Variants in PHF23 observed in about 807,000 individuals in gnomAD.
PHF23 encodes the protein PDH-containing protein JUNE-1.
Under a neutral mutation model 36.0 loss-of-function variants are expected in PHF23, and 3 were observed. The observed-to-expected ratio is 0.08, with a 90% CI of 0.04 to 0.22. The LOEUF (loss-of-function observed/expected upper bound fraction) is 0.22, where lower values mean the gene tolerates loss of function less well. Ranked by LOEUF, PHF23 falls within the 10% of genes least tolerant of loss-of-function variation. The pLI, the probability that PHF23 is intolerant of heterozygous loss-of-function variation, is 1.00. For missense variants in PHF23, 475 were observed against 513.6 expected, an observed-to-expected ratio of 0.92 and a Z score of 0.73; for synonymous variants, 242 against 192.5, an observed-to-expected ratio of 1.26 and a Z score of -2.13.
chr17:7,237,380 C>T lies in PHF23; in HGVS notation c.159+5G>A, dbSNP rs779197432. ...GCCTCAAGTCAGTAATTCTCTTGCC[C>T]CTACCTCTTTGCTAGGGGGAATGTA... On this transcript the variant is annotated splice_donor_5th_base_variant and intron_variant, in intron 3 of 4. Coordinates refer to ENST00000320316, the MANE Select transcript of PHF23 (RefSeq NM_024297.3). 4 of 1,610,210 alleles carry T rather than the reference C, an allele frequency of 2.5e-6. No homozygotes were observed. The highest frequency in any genetic ancestry group is 3.4e-6 in the Non-Finnish European group (4 of 1,176,658).
chr17:7,237,695 G>A (rs201146738), intron 1 of PHF23, 35 bp from the exon 2 acceptor site: 5 of 1,611,548 alleles, frequency 3.1e-6, no homozygotes, highest in East Asian at 2.2e-5. Flanking sequence ...CAAGACACTA[G>A]GAACAATCTG....
In PHF23 at chr17:7,236,373, T is replaced by C; in HGVS notation, c.554A>G (p.Asn185Ser). The C allele has an allele frequency of 1.5e-5, 24 of 1,614,094 alleles. No individual in the cohort carries two copies. Among genetic ancestry groups the C allele is most frequent in the Non-Finnish European group, 1.9e-5 (23 of 1,180,014 alleles). Residue 185 changes from asparagine (N) to serine (S), a missense_variant, in exon 4 of 5, where the codon AAC becomes AGC. Asn to Ser is a conservative substitution (Grantham distance 46). Around this residue, in one of 5 missense-constraint regions of PHF23, gnomAD observed 350 missense variants for 319.8 expected, o/e 1.09. Transcript: ENST00000320316. The surrounding 1 kb of genome is among the most constrained non-coding windows in gnomAD (Gnocchi z 5.1). ...SHPPRKKDRK[N>S]RKLGPGAGAG... ...CCCAGCTCCTGGCCCCAACTTTCGG[T>C]TCTTTCGGTCCTTCTTTCGAGGAGG...
At chr17:7,238,840 C>T (rs1357705079) in intron 1 of PHF23, 2 of 1,534,380 alleles carry the variant, frequency 1.3e-6, no homozygotes, top group Admixed American at 2.0e-5. Flanking sequence ...GCTCCGGTAC[C>T]ACCGCCACAA....
At position 7,235,146 on chromosome 17, in the gene PHF23, C is replaced by T. The variant is rs2071629499; in HGVS notation, c.*480G>A. On this transcript the variant is annotated 3_prime_UTR_variant, in exon 5 of 5. Coordinates refer to ENST00000320316, the MANE Select transcript of PHF23 (RefSeq NM_024297.3). Reference sequence around the variant, plus strand: ...TGAGAATCGTCACCTTTCTGCTTTCCTTCCTCACTTGGCCAGGCTCTAGTA... The same window carrying T: ...TGAGAATCGTCACCTTTCTGCTTTCTTTCCTCACTTGGCCAGGCTCTAGTA... 1 of 178,974 alleles carries T rather than the reference C, an allele frequency of 5.6e-6. No individual in the cohort carries two copies. Among genetic ancestry groups the T allele is most frequent in the African/African-American group, 2.4e-5 (1 of 42,012 alleles). The allele number at this position is 178,974 out of a possible 1,614,324, so 11.1% of individuals were successfully genotyped here.
At position 7,235,485 on chromosome 17, in the gene PHF23, C is replaced by T. The variant is rs2071638183; in HGVS notation, c.*141G>A. 1 of 840,200 alleles carries T rather than the reference C, an allele frequency of 1.2e-6. No individual in the cohort carries two copies. The highest frequency in any genetic ancestry group is 1.7e-5 in the African/African-American group (1 of 58,860). The allele number at this position is 840,200 out of a possible 1,614,324, so 52.0% of individuals were successfully genotyped here. A position where few individuals can be genotyped will look rare whatever the true frequency, so the allele number is the denominator to read the frequency against. On this transcript the variant is annotated 3_prime_UTR_variant, in exon 5 of 5. Coordinates refer to ENST00000320316, the MANE Select transcript of PHF23 (RefSeq NM_024297.3). ...GGATAGGGTGGGAAAGTGAGACACT[C>T]ATTTTCAAACAAGTCTCCCTTGAGA...
chr17:7,237,252 G>A (rs1446120700), intron 3 of PHF23, 133 bp downstream of exon 3: 9 of 828,410 alleles, frequency 1.1e-5, no homozygotes, highest in African/African-American at 3.4e-5. Context: ...AGCCCTAAGA[G>A]TCTCCAACTT....
chr17:7,239,110 C>G (rs1018431832), intron 1 of PHF23, 136 bp downstream of exon 1: 3 of 1,046,166 alleles, frequency 2.9e-6, no homozygotes, highest in South Asian at 3.2e-5. Flanking sequence ...TCGTCGCTCT[C>G]CCACCTCCAG....
At position 7,235,277 on chromosome 17, in the gene PHF23, G is replaced by A. The variant is rs2071633773; in HGVS notation, c.*349C>T. The stretch of plus-strand genomic sequence containing the variant: ...GTGAAATAGAAGAAAAGATGAGGGA[G>A]GGGAGTGCTAATATTTACACTAGAG... On this transcript the variant is annotated 3_prime_UTR_variant, in exon 5 of 5. Transcript: ENST00000320316. 3.4e-6 allele frequency: 1 copy of A among 297,962 alleles called. No homozygotes were observed. The highest frequency in any genetic ancestry group is 6.5e-6 in the Non-Finnish European group (1 of 154,496). The allele number at this position is 297,962 out of a possible 1,614,324, so 18.5% of individuals were successfully genotyped here.
chr17:7,237,570 G>C (rs1469798651), intron 2 of PHF23, 59 bp downstream of exon 2: 17 of 1,608,046 alleles, frequency 1.1e-5, no homozygotes, highest in African/African-American at 6.7e-5. Context: ...TCTAGAAAAG[G>C]GGGGCGGGGG....
chr17:7,237,599 A>C, intron 2 of PHF23, 30 bp downstream of exon 2: 1 of 1,613,820 alleles, frequency 6.2e-7, no homozygotes, highest in Non-Finnish European at 8.5e-7. Context: ...AGGCAGGGCT[A>C]CTAGGCTGCA....
In PHF23 at chr17:7,235,512, T is replaced by C. The variant is rs2071638474; in HGVS notation, c.*114A>G. ...TTTTCAAACAAGTCTCCCTTGAGAA[T>C]TCCTGCCTTGAAGTGCAGACAGTAT... is the stretch of plus-strand genomic sequence containing the variant. On this transcript the variant is annotated 3_prime_UTR_variant, in exon 5 of 5. Transcript: ENST00000320316. 6 of 1,066,204 alleles carry C rather than the reference T, an allele frequency of 5.6e-6. No individual in the cohort carries two copies. The highest frequency in any genetic ancestry group is 2.4e-5 in the East Asian group (1 of 42,156). The allele number at this position is 1,066,204 out of a possible 1,614,324, so 66.0% of individuals were successfully genotyped here. A position where few individuals can be genotyped will look rare whatever the true frequency, so the allele number is the denominator to read the frequency against.
Position 7,235,965 on chromosome 17 carries a change from A to G in PHF23, c.962T>C (p.Met321Thr), listed in dbSNP as rs770738787. 4.3e-6 allele frequency: 7 copies of G among 1,612,772 alleles called. No homozygotes were observed. Among genetic ancestry groups the G allele is most frequent in the Admixed American group, 3.3e-5 (2 of 59,964 alleles). ...DGDASSSEGE[M>T]RVMDEDIMVE... is the part of the protein sequence containing the mutation. Reference sequence around the variant, plus strand: ...CATGATGTCCTCGTCCATGACCCGCATCTCGCCTTCACTGGAGCTGGCATC... The same window carrying G: ...CATGATGTCCTCGTCCATGACCCGCGTCTCGCCTTCACTGGAGCTGGCATC... Residue 321 changes from methionine to threonine, a missense_variant, in exon 4 of 5, where the codon ATG becomes ACG. Physicochemically the swap from Met to Thr is moderately conservative, Grantham distance 81. Around this residue, in one of 5 missense-constraint regions of PHF23, gnomAD observed 40 missense variants for 111.0 expected, o/e 0.36. Coordinates refer to ENST00000320316, the MANE Select transcript of PHF23 (RefSeq NM_024297.3).
intron 1 of PHF23, 92 bp from the exon 2 acceptor site, chr17:7,237,752 G>A: frequency 1.4e-6 from 2 of 1,435,460 alleles, no homozygotes; most frequent in Non-Finnish European, 2.0e-6. Flanking sequence ...TGAACCCCCT[G>A]CTCTCCCAGG....
In PHF23 at chr17:7,238,614, C is replaced by G. The variant is rs1431714124; in HGVS notation, c.34+632G>C. Reference sequence around the variant, plus strand: ...ACCCTCGCGGACCAACCCTACCCCCCCGCCCGACAAGTCGCCGGTCTTAAC... The same window carrying G: ...ACCCTCGCGGACCAACCCTACCCCCGCGCCCGACAAGTCGCCGGTCTTAAC... On this transcript the variant is annotated intron_variant, in intron 1 of 4. Transcript: ENST00000320316. 6 of 936,956 alleles carry G rather than the reference C, an allele frequency of 6.4e-6. No homozygotes were observed. The South Asian group carries it at 2.0e-4, about 32-fold the overall frequency. The allele number at this position is 936,956 out of a possible 1,614,324, so 58.0% of individuals were successfully genotyped here. A position where few individuals can be genotyped will look rare whatever the true frequency, so the allele number is the denominator to read the frequency against.
At chr17:7,240,741 C>A, upstream of PHF23, 4 of 727,812 alleles carry the variant, frequency 5.5e-6, no homozygotes, top group Non-Finnish European at 9.9e-6. Flanking sequence ...TAAGAAGTGC[C>A]GGTCCTGAAT....
In PHF23 at chr17:7,237,678, G is replaced by A. The variant is rs2071696974; in HGVS notation, c.35-18C>T. The A allele has an allele frequency of 1.2e-6, 2 of 1,613,626 alleles. No homozygotes were observed. Among genetic ancestry groups the A allele is most frequent in the South Asian group, 2.2e-5 (2 of 91,074 alleles). On this transcript the variant is annotated intron_variant, in intron 1 of 4. Transcript: ENST00000320316. Reference sequence around the variant, plus strand: ...AGGTGGATCTGGAAAAGCAATAAAAGCTGAGTCAAGACACTAGGAACAATC... The same window carrying A: ...AGGTGGATCTGGAAAAGCAATAAAAACTGAGTCAAGACACTAGGAACAATC...
chr17:7,238,398 C>G (rs1245832873), intron 1 of PHF23: 1 of 375,046 alleles, frequency 2.7e-6, no homozygotes, highest in Non-Finnish European at 3.5e-6. Flanking sequence ...ACCGGGCCCC[C>G]CGGCCCTGTT....
At position 7,239,386 on chromosome 17, in the gene PHF23, C is replaced by T. The variant is rs2071747653; in HGVS notation, c.-107G>A. 3 of 585,430 alleles carry T rather than the reference C, an allele frequency of 5.1e-6. No homozygotes were observed. The highest frequency in any genetic ancestry group is 9.2e-6 in the Non-Finnish European group (3 of 324,640). The allele number at this position is 585,430 out of a possible 1,614,324, so 36.3% of individuals were successfully genotyped here. ...CACTGCTTCGCTCCACAGAAGTGTC[C>T]GCCTCAGCCCGGTTGAGACTCGAGT... is the stretch of plus-strand genomic sequence containing the variant. On this transcript the variant is annotated 5_prime_UTR_variant, in exon 1 of 5. Transcript: ENST00000320316.
intron 4 of PHF23, 35 bp downstream of exon 4, chr17:7,235,895 C>A: frequency 6.2e-7 from 1 of 1,612,530 alleles, no homozygotes; most frequent in Non-Finnish European, 8.5e-7. Flanking sequence ...ATCCACAACA[C>A]CCTCAAACCC....
Sources: allele counts gnomAD v4.1 joint callset, GRCh38; gene constraint gnomAD v4.1.1; regional missense constraint gnomAD v4.1.1; non-coding constraint Gnocchi (gnomAD v3.1); transcripts MANE v1.5; gene names NCBI Gene and HGNC (gene_info 2026-07-23, HGNC 2026-07-21).